Variants in TBL1XR1 observed in about 807,000 individuals in gnomAD.
The protein encoded by TBL1XR1 is TBL1X/Y related 1.
TBL1XR1 carries 5 observed loss-of-function variants against 66.9 expected under a neutral mutation model. The observed-to-expected ratio is 0.07, with a 90% CI of 0.04 to 0.16. The LOEUF is 0.16. TBL1XR1 is among the 10% of genes least tolerant of loss of function. The pLI is 1.00. For synonymous variants in TBL1XR1, 210 were observed against 206.0 expected (o/e 1.02, Z -0.17); for missense variants, 238 against 623.2 (o/e 0.38, Z 6.58).
chr3:177,177,418 C>A (rs567699719), intron 1 of TBL1XR1, among the ~76,000 whole-genome samples: 1 of 152,082 alleles, frequency 6.6e-6, no homozygotes, highest in South Asian at 2.1e-4. Context: ...CCACTGCACT[C>A]CAGCCTAGGC....
At chr3:177,118,615 A>G (rs1019152407) in intron 1 of TBL1XR1, among the ~76,000 whole-genome samples, 4 of 152,250 alleles carry the variant, frequency 2.6e-5, no homozygotes, top group Non-Finnish European at 2.9e-5. Context: ...AGTTGCATGT[A>G]ATGCTGTCAA....
At chr3:177,180,317 T>A in intron 1 of TBL1XR1, among the ~76,000 whole-genome samples, 1 of 146,208 alleles carries the variant, frequency 6.8e-6, no homozygotes, top group Non-Finnish European at 1.5e-5. Flanking sequence ...CCTACTTTAA[T>A]CTACAGACAA....
At chr3:177,039,330 A>G (rs1715252967) in intron 10 of TBL1XR1, among the ~76,000 whole-genome samples, 1 of 152,188 alleles carries the variant, frequency 6.6e-6, no homozygotes, top group African/African-American at 2.4e-5. Context: ...ATGTGTGTGG[A>G]AGTACTCTGT....
chr3:177,111,737 A>T (rs922989653), intron 1 of TBL1XR1, among the ~76,000 whole-genome samples: 1 of 152,074 alleles, frequency 6.6e-6, no homozygotes, highest in African/African-American at 2.4e-5. Flanking sequence ...GCCATACCCT[A>T]TATGGTGGCT....
intron 1 of TBL1XR1, among the ~76,000 whole-genome samples, chr3:177,168,121 C>T (rs1382390834): frequency 6.6e-6 from 1 of 151,940 alleles, no homozygotes; most frequent in Non-Finnish European, 1.5e-5. Context: ...TACATTAGGC[C>T]ATGTTATATA....
intron 2 of TBL1XR1, among the ~76,000 whole-genome samples, chr3:177,071,031 G>GTTTTGTTTTGTT (rs768177980): frequency 9.5e-6 from 1 of 104,716 alleles, no homozygotes; most frequent in African/African-American, 3.9e-5. Flanking sequence ...CTGAGAATCT[G>GTTTTGTTTTGTT]TTTTTTTTTT....
chr3:177,045,379 T>A (rs1228298577), intron 10 of TBL1XR1, among the ~76,000 whole-genome samples: 1 of 152,134 alleles, frequency 6.6e-6, no homozygotes, highest in Non-Finnish European at 1.5e-5. Flanking sequence ...GTCGGGAAAC[T>A]CACTGAAAAG....
chr3:177,150,437 G>A (rs1730750353), intron 1 of TBL1XR1, among the ~76,000 whole-genome samples: 1 of 152,152 alleles, frequency 6.6e-6, no homozygotes, highest in South Asian at 2.1e-4. Flanking sequence ...CTTCATGCAT[G>A]CCAAATCCAG....
chr3:177,125,387 T>C (rs151257854), intron 1 of TBL1XR1, among the ~76,000 whole-genome samples: 1 of 152,184 alleles, frequency 6.6e-6, no homozygotes, highest in East Asian at 1.9e-4. Context: ...AAAACAGTGA[T>C]AAGGGTTGAC....
chr3:177,086,128 G>C (rs957804949), intron 2 of TBL1XR1, among the ~76,000 whole-genome samples: 10 of 150,130 alleles, frequency 6.7e-5, no homozygotes, highest in African/African-American at 2.5e-4. Flanking sequence ...GTCCACACAC[G>C]TAAGTTTTAA....
chr3:177,060,000 T>A (rs1401814416), intron 3 of TBL1XR1, among the ~76,000 whole-genome samples: 1 of 152,322 alleles, frequency 6.6e-6, no homozygotes, highest in East Asian at 1.9e-4. Flanking sequence ...ACTCTTGGAC[T>A]TACACCAGTG....
intron 2 of TBL1XR1, among the ~76,000 whole-genome samples, chr3:177,080,892 T>TC (rs1449541354): frequency 1.3e-5 from 2 of 152,220 alleles, no homozygotes; most frequent in Non-Finnish European, 2.9e-5. Context: ...CCTTTATACT[T>TC]CATTGCTTAT....
intron 2 of TBL1XR1, among the ~76,000 whole-genome samples, chr3:177,084,195 G>A (rs142960698): frequency 0.012 from 1,760 of 152,170 alleles, 39 homozygotes; most frequent in African/African-American, 0.04. Flanking sequence ...GTATGTACCT[G>A]AGTAACGTAA....
At chr3:177,137,074 A>G (rs1729081871) in intron 1 of TBL1XR1, among the ~76,000 whole-genome samples, 2 of 152,178 alleles carry the variant, frequency 1.3e-5, no homozygotes, top group South Asian at 2.1e-4. Flanking sequence ...ATAACAGGCC[A>G]TAAGCCCAGA....
At chr3:177,155,314 G>C (rs1018175460) in intron 1 of TBL1XR1, among the ~76,000 whole-genome samples, 11 of 152,196 alleles carry the variant, frequency 7.2e-5, no homozygotes, top group Admixed American at 2.6e-4. Flanking sequence ...TCACTAAACT[G>C]ATCAAGATTT....
intron 1 of TBL1XR1, among the ~76,000 whole-genome samples, chr3:177,128,291 G>A (rs958371555): frequency 6.6e-6 from 1 of 152,172 alleles, no homozygotes; most frequent in African/African-American, 2.4e-5. Context: ...GATGTGAACT[G>A]TTTTATTTCT....
chr3:177,195,321 C>T (rs573226815), intron 1 of TBL1XR1, among the ~76,000 whole-genome samples: 1 of 151,816 alleles, frequency 6.6e-6, no homozygotes, highest in African/African-American at 2.4e-5. Flanking sequence ...CAGGTAAATG[C>T]TAACTATTTC....
At chr3:177,114,295 T>A (rs1046497206) in intron 1 of TBL1XR1, among the ~76,000 whole-genome samples, 26 of 151,552 alleles carry the variant, frequency 1.7e-4, no homozygotes, top group Non-Finnish European at 2.9e-4. Flanking sequence ...TATATATGGA[T>A]ACATATATAT....
intron 2 of TBL1XR1, among the ~76,000 whole-genome samples, chr3:177,096,156 T>C (rs1167863541): frequency 6.6e-6 from 1 of 152,110 alleles, no homozygotes; most frequent in Non-Finnish European, 1.5e-5. Flanking sequence ...TCAACCCAGA[T>C]TATTATTGCA....
Sources: allele counts gnomAD v4.1 joint callset (sites outside exome capture counted in the v4.1 genomes callset), GRCh38; gene constraint gnomAD v4.1.1; transcripts MANE v1.5; gene names NCBI Gene and HGNC (gene_info 2026-07-23, HGNC 2026-07-21).